The following USP1 variants were observed in gnomAD, a reference collection of about 807,000 sequenced individuals.
USP1 encodes the protein ubiquitin carboxyl-terminal hydrolase 1.
USP1 carries 18 observed loss-of-function variants against 72.2 expected under a neutral mutation model. The ratio of observed to expected loss-of-function variants is 0.25; its 90% CI spans 0.17 to 0.37. USP1 has a LOEUF of 0.37. Ranked by LOEUF, USP1 falls within the 10% of genes least tolerant of loss-of-function variation. The pLI is 1.00. For missense variants in USP1, 759 were observed against 884.9 expected, an observed-to-expected ratio of 0.86 and a Z score of 1.81; for synonymous variants, 354 against 303.7, an observed-to-expected ratio of 1.17 and a Z score of -1.72.
At chr1:62,449,802 C>T (rs11207970) in intron 8 of USP1, among the ~76,000 whole-genome samples, 52,133 of 151,364 alleles carry the variant, frequency 0.34, 9,263 homozygotes, top group African/African-American at 0.42. Flanking sequence ...GTCCCAACTA[C>T]TCAGGAGGCT....
rs769184632 is a variant in USP1, at chr1:62,442,309, A to G, written c.396+10A>G. 1 of 1,553,870 alleles carries G rather than the reference A, an allele frequency of 6.4e-7. No individual in the cohort carries two copies. The highest frequency in any genetic ancestry group is 1.2e-5 in the South Asian group (1 of 84,142). The stretch of plus-strand genomic sequence containing the variant: ...CAATCAAAAAGACAAGGTAAGAAAA[A>G]TAAAGAACAGAAAATAATGTAAAAA... On this transcript the variant is annotated intron_variant, in intron 4 of 8. Coordinates refer to ENST00000339950, the MANE Select transcript of USP1 (RefSeq NM_003368.5).
intron 4 of USP1, among the ~76,000 whole-genome samples, chr1:62,442,951 G>A (rs543488578): frequency 1.2e-4 from 18 of 152,152 alleles, no homozygotes; most frequent in Non-Finnish European, 2.4e-4. Flanking sequence ...CCAGTGAGCC[G>A]CGATCAAGCC....
chr1:62,451,037 AGTT>A lies in USP1; in HGVS notation c.*58_*60del. 6.9e-7 allele frequency: 1 copy of A among 1,454,228 alleles called. No individual in the cohort carries two copies. Among genetic ancestry groups the A allele is most frequent in the Non-Finnish European group, 9.1e-7 (1 of 1,095,512 alleles). 90.1% of individuals were successfully genotyped at this position (1,454,228 alleles called of 1,614,324 possible). A position where few individuals can be genotyped will look rare whatever the true frequency, so the allele number is the denominator to read the frequency against. On this transcript the variant is annotated 3_prime_UTR_variant, in exon 9 of 9. Coordinates refer to ENST00000339950, the MANE Select transcript of USP1 (RefSeq NM_003368.5). ...AACACACCCATACAAACATTGGTAA[AGTT>A]GATTACATCAAAGAATCTTTAGCTT...
At chr1:62,443,429 C>T (rs1645147081) in intron 5 of USP1, 110 bp downstream of exon 5, 1 of 1,150,318 alleles carries the variant, frequency 8.7e-7, no homozygotes, top group Non-Finnish European at 1.2e-6. Flanking sequence ...AGTAGAAACT[C>T]TAGGTCCACA....
At chr1:62,449,504 T>C (rs936914540) in intron 8 of USP1, among the ~76,000 whole-genome samples, 1 of 152,196 alleles carries the variant, frequency 6.6e-6, no homozygotes, top group Non-Finnish European at 1.5e-5. Context: ...TCACACTTGA[T>C]TATGTCAAAA....
intron 3 of USP1, 90 bp downstream of exon 3, chr1:62,441,698 T>TGTCC (rs1440791757): frequency 1.4e-6 from 2 of 1,391,654 alleles, no homozygotes; most frequent in Non-Finnish European, 9.6e-7. Context: ...AGGACTTTAA[T>TGTCC]GTCCATACTG....
In USP1 at chr1:62,440,039, T is replaced by G. The variant is rs1308313025; in HGVS notation, c.170+2T>G. On this transcript the variant is annotated splice_donor_variant, in intron 2 of 8. Coordinates refer to ENST00000339950, the MANE Select transcript of USP1 (RefSeq NM_003368.5). LOFTEE classifies it high-confidence loss of function. ...TTCTGAATATAGAGCATCTGAAATG[T>G]ATGTATCTTACATTTCTGTACTTTA... The G allele has an allele frequency of 6.7e-7, 1 of 1,489,542 alleles. No homozygotes were observed. The highest frequency in any genetic ancestry group is 8.9e-7 in the Non-Finnish European group (1 of 1,123,060). The allele number at this position is 1,489,542 out of a possible 1,614,324, so 92.3% of individuals were successfully genotyped here.
At chr1:62,442,150 T>C in intron 3 of USP1, 45 bp from the exon 4 acceptor site, 1 of 1,261,400 alleles carries the variant, frequency 7.9e-7, no homozygotes, top group South Asian at 1.3e-5. Flanking sequence ...ATTTTACGTG[T>C]ATTGTTTGTT....
intron 1 of USP1, among the ~76,000 whole-genome samples, 185 bp downstream of exon 1, chr1:62,437,585 C>T (rs1327821651): frequency 2.6e-5 from 4 of 151,894 alleles, no homozygotes; most frequent in Admixed American, 6.5e-5. Flanking sequence ...CGCGAGAAGG[C>T]AGGTGCGGGC....
intron 1 of USP1, among the ~76,000 whole-genome samples, chr1:62,437,801 G>A (rs1645101707): frequency 6.6e-6 from 1 of 152,182 alleles, no homozygotes; most frequent in African/African-American, 2.4e-5. Context: ...AAATTTTACC[G>A]CGCATTTTCT....
At position 62,448,706 on chromosome 1, in the gene USP1, T is replaced by C. The variant is rs1401867362; in HGVS notation, c.1622+40T>C. The stretch of plus-strand genomic sequence containing the variant: ...TAAGAACTATATGAAGAAAATGAGC[T>C]GCTGTAGAAGATAAGTCTTGTTCAA... On this transcript the variant is annotated intron_variant, in intron 8 of 8. Coordinates refer to ENST00000339950, the MANE Select transcript of USP1 (RefSeq NM_003368.5). The C allele has an allele frequency of 8.3e-6, 13 of 1,575,636 alleles. No homozygotes were observed. The African/African-American group carries it at 1.5e-4, about 18-fold the overall frequency.
upstream of USP1, chr1:62,436,887 C>T: frequency 2.6e-6 from 1 of 385,080 alleles, no homozygotes; most frequent in Non-Finnish European, 4.6e-6. Context: ...CCAGCTGGCT[C>T]CGGAGCCCGT....
At position 62,450,816 on chromosome 1, in the gene USP1, C is replaced by G; in HGVS notation, c.2193C>G (p.Asn731Lys). The G allele has an allele frequency of 1.2e-6, 2 of 1,613,920 alleles. No individual in the cohort carries two copies. Among genetic ancestry groups the G allele is most frequent in the Non-Finnish European group, 8.5e-7 (1 of 1,179,934 alleles). Residue 731 changes from asparagine to lysine, a missense_variant, in exon 9 of 9, where the codon AAC becomes AAG. Physicochemically the swap from Asn to Lys is moderately conservative, Grantham distance 94. Around this residue, in one of 9 missense-constraint regions of USP1, gnomAD observed 159 missense variants for 140.9 expected, o/e 1.13. Transcript: ENST00000339950. Reference sequence around the variant, plus strand: ...GCATTAATATTAGTGGATTTGAGAACAAAATTTCATACGTAGTGCAAAGCT... The same window carrying G: ...GCATTAATATTAGTGGATTTGAGAAGAAAATTTCATACGTAGTGCAAAGCT... ...QTGINISGFE[N>K]KISYVVQSLK...
chr1:62,443,828 T>A (rs1420748679), intron 5 of USP1, among the ~76,000 whole-genome samples: 2 of 152,228 alleles, frequency 1.3e-5, no homozygotes, highest in Admixed American at 6.5e-5. Context: ...AGATTGCTTT[T>A]TGGTATTTTC....
At chr1:62,446,918 G>A (rs570325806) in intron 6 of USP1, among the ~76,000 whole-genome samples, 37 of 152,054 alleles carry the variant, frequency 2.4e-4, no homozygotes, top group African/African-American at 8.7e-4. Flanking sequence ...GGGTTCAAGC[G>A]ATCCTCCTGC....
intron 6 of USP1, among the ~76,000 whole-genome samples, chr1:62,446,620 A>G (rs927629701): frequency 6.6e-6 from 1 of 152,176 alleles, no homozygotes; most frequent in African/African-American, 2.4e-5. Flanking sequence ...TAGGTGGTGC[A>G]TAACTGTAAG....
At chr1:62,441,381 T>C in intron 2 of USP1, 107 bp from the exon 3 acceptor site, 1 of 1,297,948 alleles carries the variant, frequency 7.7e-7, no homozygotes. Flanking sequence ...ATTCACATAC[T>C]TTTCAGATTA....
In USP1 at chr1:62,439,253, C is replaced by T. The variant is rs557330254; in HGVS notation, c.-69-546C>T. On this transcript the variant is annotated intron_variant, in intron 1 of 8. Transcript: ENST00000339950. ...AGGCTGGAGTGCAATGGCACGATCT[C>T]GGCTCACTGCAGCCTCCGCCTCCCG... Among the ~76,000 whole-genome samples the T allele has an allele frequency of 7.2e-5, 11 of 152,242 alleles. No homozygotes were observed. In the East Asian group the frequency reaches 1.7e-3, roughly 24 times the overall value.
chr1:62,440,460 G>C (rs1007141685), intron 2 of USP1, among the ~76,000 whole-genome samples: 1 of 151,990 alleles, frequency 6.6e-6, no homozygotes, highest in Non-Finnish European at 1.5e-5. Context: ...CCTGTTGGAG[G>C]CATATGATTG....
Sources: allele counts gnomAD v4.1 joint callset (sites outside exome capture counted in the v4.1 genomes callset), GRCh38; gene constraint gnomAD v4.1.1; regional missense constraint gnomAD v4.1.1; transcripts MANE v1.5; gene names NCBI Gene and HGNC (gene_info 2026-07-23, HGNC 2026-07-21).